Variants in FAR2 observed in about 807,000 individuals in gnomAD.
FAR2 encodes epididymis secretory protein Li 81.
Under a neutral mutation model 56.0 loss-of-function variants are expected in FAR2, and 19 were observed. The observed-to-expected ratio is 0.34, with a 90% CI of 0.24 to 0.50. The LOEUF is 0.50. Ranked by LOEUF, FAR2 falls within the 20% of genes least tolerant of loss-of-function variation. The pLI is 0.98. For synonymous variants in FAR2, 219 were observed against 218.8 expected (o/e 1.00, Z -0.01); for missense variants, 508 against 642.2 (o/e 0.79, Z 2.26).
At chr12:29,302,517 C>T (rs193188483) in intron 4 of FAR2, among the ~76,000 whole-genome samples, 29 of 152,116 alleles carry the variant, frequency 1.9e-4, no homozygotes, top group African/African-American at 5.8e-4. Flanking sequence ...ATCTTGGCAG[C>T]GCATGTGTTA....
intron 4 of FAR2, among the ~76,000 whole-genome samples, chr12:29,299,214 A>AG (rs1491150398): frequency 7.8e-4 from 58 of 74,584 alleles, no homozygotes; most frequent in African/African-American, 2.9e-3. Flanking sequence ...ACTTTGTCTC[A>AG]AAAAAAAAAA....
chr12:29,183,740 G>A (rs1950012862), intron 1 of FAR2, among the ~76,000 whole-genome samples: 1 of 152,118 alleles, frequency 6.6e-6, no homozygotes, highest in Non-Finnish European at 1.5e-5. Context: ...GGAGAAGTAG[G>A]ACTTTTCCAT....
chr12:29,230,385 G>T (rs1947837637), intron 1 of FAR2, among the ~76,000 whole-genome samples: 1 of 151,958 alleles, frequency 6.6e-6, no homozygotes, highest in Admixed American at 6.6e-5. Context: ...GCATGTTCTG[G>T]GAACAGACAG....
At chr12:29,208,088 T>A (rs6487785) in intron 1 of FAR2, among the ~76,000 whole-genome samples, 92,263 of 152,094 alleles carry the variant, frequency 0.61, 31,224 homozygotes, top group Non-Finnish European at 0.76. Context: ...AGTCAGTTTG[T>A]GTATTAGTAT....
chr12:29,331,090 T>C (rs1949724448), intron 10 of FAR2, among the ~76,000 whole-genome samples: 1 of 152,162 alleles, frequency 6.6e-6, no homozygotes, highest in Non-Finnish European at 1.5e-5. Flanking sequence ...ATCATTTATT[T>C]GAATTAAGCC....
At chr12:29,188,776 T>A (rs894443988) in intron 1 of FAR2, among the ~76,000 whole-genome samples, 9 of 151,994 alleles carry the variant, frequency 5.9e-5, no homozygotes, top group Admixed American at 3.3e-4. Flanking sequence ...TGTTTGTTTT[T>A]TGTTTTTTTT....
rs562528914 is a variant in FAR2 at position 29,153,892 on chromosome 12, A to G, written c.-39+4485A>G. Among the ~76,000 whole-genome samples, 12 of 152,310 alleles carry G rather than the reference A, an allele frequency of 7.9e-5. No individual in the cohort carries two copies. In the South Asian group the frequency reaches 8.3e-4, roughly 11 times the overall value. On this transcript the variant is annotated intron_variant, in intron 1 of 11. Coordinates refer to ENST00000536681, the MANE Select transcript of FAR2 (RefSeq NM_001271783.2). ...AATCCAAAACAGTAGGCTCAGATGC[A>G]TATGATTTAGAGATGCCGTAAGAAG...
intron 1 of FAR2, among the ~76,000 whole-genome samples, chr12:29,180,539 T>A (rs1434751419): frequency 6.6e-6 from 1 of 152,154 alleles, no homozygotes. Flanking sequence ...CCTCTTAAAC[T>A]AGTTAGAAAG....
chr12:29,279,548 C>T (rs11050171), intron 2 of FAR2, among the ~76,000 whole-genome samples: 20,346 of 152,218 alleles, frequency 0.13, 2,681 homozygotes, highest in African/African-American at 0.34. Context: ...CAATATTTCA[C>T]AGACATGGCT....
At chr12:29,282,667 C>T (rs887764606) in intron 2 of FAR2, among the ~76,000 whole-genome samples, 1 of 151,954 alleles carries the variant, frequency 6.6e-6, no homozygotes, top group Non-Finnish European at 1.5e-5. Context: ...CAACTACATC[C>T]CCCAGGAAAT....
At chr12:29,267,854 T>C (rs1948544908) in intron 1 of FAR2, among the ~76,000 whole-genome samples, 1 of 152,236 alleles carries the variant, frequency 6.6e-6, no homozygotes, top group Non-Finnish European at 1.5e-5. Context: ...ACCCCTGTTT[T>C]ACTTACTTCA....
At chr12:29,237,477 A>G (rs2136659619) in intron 1 of FAR2, among the ~76,000 whole-genome samples, 2 of 152,304 alleles carry the variant, frequency 1.3e-5, no homozygotes, top group South Asian at 4.1e-4. Context: ...AAATAGTTAG[A>G]TTTCAGCCCT....
chr12:29,315,108 A>G (rs1030962281), intron 8 of FAR2, among the ~76,000 whole-genome samples: 2 of 152,206 alleles, frequency 1.3e-5, no homozygotes, highest in Non-Finnish European at 2.9e-5. Context: ...CTAAAGAAGT[A>G]AATAGTGATG....
intron 10 of FAR2, among the ~76,000 whole-genome samples, chr12:29,325,214 T>TA (rs1478476193): frequency 3.3e-5 from 5 of 152,138 alleles, no homozygotes; most frequent in African/African-American, 9.7e-5. Context: ...CCTAAATATA[T>TA]ATGCACCCAA....
intron 1 of FAR2, among the ~76,000 whole-genome samples, chr12:29,227,383 C>G (rs1157784996): frequency 6.6e-6 from 1 of 152,152 alleles, no homozygotes; most frequent in Non-Finnish European, 1.5e-5. Context: ...TCCCCTATTC[C>G]TGATTCAATG....
At chr12:29,324,241 G>T (rs930117350) in intron 10 of FAR2, among the ~76,000 whole-genome samples, 3 of 152,160 alleles carry the variant, frequency 2.0e-5, no homozygotes, top group Admixed American at 1.3e-4. Context: ...AGAAATATGG[G>T]ACTATGTGAA....
chr12:29,219,645 G>A (rs1232715493), intron 1 of FAR2, among the ~76,000 whole-genome samples: 2 of 152,148 alleles, frequency 1.3e-5, no homozygotes, highest in Admixed American at 6.5e-5. Flanking sequence ...AAAAGAGAAG[G>A]AACCATTGAA....
At chr12:29,175,071 A>G (rs1042805064) in intron 1 of FAR2, among the ~76,000 whole-genome samples, 1 of 152,198 alleles carries the variant, frequency 6.6e-6, no homozygotes, top group Non-Finnish European at 1.5e-5. Context: ...TTAGTCTGGC[A>G]GCTGCACTAG....
At position 29,159,886 on chromosome 12, in the gene FAR2, C is replaced by T. The variant is rs187075435; in HGVS notation, c.-39+10479C>T. On this transcript the variant is annotated intron_variant, in intron 1 of 11. Coordinates refer to ENST00000536681, the MANE Select transcript of FAR2 (RefSeq NM_001271783.2). The stretch of plus-strand genomic sequence containing the variant: ...AGTTATGAAGTTTCCAGAATGATAC[C>T]GTTGAATCTTGGCATAGGATCAGTA... Among the ~76,000 whole-genome samples the T allele has an allele frequency of 7.2e-5, 11 of 152,276 alleles. 1 individual carries two copies. Among genetic ancestry groups the T allele is most frequent in the Admixed American group, 5.2e-4 (8 of 15,288 alleles).
Sources: gnomAD v4.1 joint callset for allele counts (sites outside exome capture counted in the v4.1 genomes callset) on GRCh38, gnomAD v4.1.1 for gene constraint, MANE v1.5 for transcripts, NCBI Gene and HGNC (gene_info 2026-07-23, HGNC 2026-07-21) for gene names.